The following NXPE2 variants were observed in gnomAD, a reference collection of about 807,000 sequenced individuals.
The protein encoded by NXPE2 is neurexophilin and PC-esterase domain family member 2, also known as NXPE family member 2.
In NXPE2, 34 loss-of-function variants were observed where a neutral mutation model predicts 34.4. That is an observed-to-expected ratio of 0.99 (90% CI 0.75 to 1.31). The LOEUF (loss-of-function observed/expected upper bound fraction) is 1.31. Among genes scored for constraint, NXPE2 ranks in the 40% most tolerant of loss-of-function variants. The pLI, the probability that NXPE2 is intolerant of heterozygous loss-of-function variation, is 0.00. For synonymous variants in NXPE2, 235 were observed against 231.3 expected, an observed-to-expected ratio of 1.02 and a Z score of -0.15; for missense variants, 649 against 672.5, an observed-to-expected ratio of 0.97 and a Z score of 0.39.
At chr11:114,494,532 G>A in the NXPE2 span, among the ~76,000 whole-genome samples, 2 of 152,052 alleles carry the variant, frequency 1.3e-5, no homozygotes, top group Non-Finnish European at 2.9e-5. Context: ...TTCAGCTTCA[G>A]AATTTCTGCT....
At chr11:114,484,333 C>T in the NXPE2 span, among the ~76,000 whole-genome samples, 1 of 152,236 alleles carries the variant, frequency 6.6e-6, no homozygotes, top group Admixed American at 6.5e-5. Flanking sequence ...ATTTTTATTG[C>T]ACTTTCCCTA....
At chr11:114,798,200 GCT>G in the NXPE2 span, among the ~76,000 whole-genome samples, 3 of 152,096 alleles carry the variant, frequency 2.0e-5, no homozygotes, top group South Asian at 6.2e-4. Flanking sequence ...TGTGTATTTA[GCT>G]CTGAGATTTT....
chr11:114,803,142 G>T, the NXPE2 span, among the ~76,000 whole-genome samples: 1 of 152,202 alleles, frequency 6.6e-6, no homozygotes, highest in Non-Finnish European at 1.5e-5. Context: ...TTTGTCAATT[G>T]TTCTGTACAC....
chr11:114,557,444 A>T, the NXPE2 span, among the ~76,000 whole-genome samples: 1 of 151,714 alleles, frequency 6.6e-6, no homozygotes. Context: ...CAGGCATTTC[A>T]GTTCTAGAAA....
chr11:114,643,340 A>G, the NXPE2 span, among the ~76,000 whole-genome samples: 4 of 152,062 alleles, frequency 2.6e-5, no homozygotes, highest in African/African-American at 9.6e-5. Context: ...CCATGCCTAC[A>G]TCCTGAATGG....
the NXPE2 span, among the ~76,000 whole-genome samples, chr11:114,733,092 TTTTG>T: frequency 2.4e-3 from 363 of 152,144 alleles, 1 homozygote; most frequent in African/African-American, 8.0e-3. Context: ...ATATTGGGTT[TTTTG>T]TTTGTTTGTT....
chr11:114,502,346 C>T, the NXPE2 span, among the ~76,000 whole-genome samples: 2 of 152,142 alleles, frequency 1.3e-5, no homozygotes, highest in South Asian at 2.1e-4. Context: ...TAGACTTTCT[C>T]ATTATATACT....
the NXPE2 span, among the ~76,000 whole-genome samples, chr11:114,774,729 C>G: frequency 6.6e-6 from 1 of 152,134 alleles, no homozygotes; most frequent in Non-Finnish European, 1.5e-5. Flanking sequence ...TTTTCCTTCC[C>G]CATCTCTTGC....
the NXPE2 span, among the ~76,000 whole-genome samples, chr11:114,588,991 C>A: frequency 6.6e-6 from 1 of 152,142 alleles, no homozygotes. Context: ...GGAGGAGACC[C>A]AGGAAAAAGA....
the NXPE2 span, chr11:114,513,437 T>C: frequency 2.1e-5 from 6 of 284,932 alleles, no homozygotes; most frequent in African/African-American, 8.8e-5. Context: ...TGAAGAAAGA[T>C]AGGCATCTCT....
At chr11:114,631,904 G>A in the NXPE2 span, among the ~76,000 whole-genome samples, 2,958 of 151,290 alleles carry the variant, frequency 0.02, 61 homozygotes, top group Middle Eastern at 0.079. Context: ...GTATTGCCTC[G>A]TGGGTCACTA....
At chr11:114,625,424 T>C in the NXPE2 span, among the ~76,000 whole-genome samples, 1 of 152,148 alleles carries the variant, frequency 6.6e-6, no homozygotes, top group Non-Finnish European at 1.5e-5. Flanking sequence ...CAACCACTTC[T>C]ACCACATGGA....
the NXPE2 span, among the ~76,000 whole-genome samples, chr11:114,786,359 C>CCA: frequency 1.6e-5 from 2 of 122,794 alleles, no homozygotes; most frequent in Admixed American, 8.5e-5. Flanking sequence ...CTTTCTACCC[C>CCA]CGCCCCCCGC....
chr11:114,464,378 C>T, the NXPE2 span, among the ~76,000 whole-genome samples: 2 of 152,124 alleles, frequency 1.3e-5, no homozygotes, highest in Admixed American at 6.5e-5. Context: ...ATATGAAAAT[C>T]ATTACTGACC....
chr11:114,812,993 G>A, the NXPE2 span, among the ~76,000 whole-genome samples: 23 of 151,962 alleles, frequency 1.5e-4, no homozygotes, highest in South Asian at 4.2e-3. Context: ...GAGAGAGGCC[G>A]GCAGCGAGGT....
chr11:114,562,915 C>T, the NXPE2 span, among the ~76,000 whole-genome samples: 1 of 152,098 alleles, frequency 6.6e-6, no homozygotes, highest in East Asian at 1.9e-4. Flanking sequence ...CATACATGGT[C>T]GTTGGTGTTC....
chr11:114,534,879 T>C, the NXPE2 span, among the ~76,000 whole-genome samples: 1 of 152,188 alleles, frequency 6.6e-6, no homozygotes, highest in African/African-American at 2.4e-5. Context: ...CCAGGAGAAC[T>C]TCCCCAATCT....
chr11:114,580,501 T>G, the NXPE2 span, among the ~76,000 whole-genome samples: 19 of 152,188 alleles, frequency 1.2e-4, no homozygotes, highest in Non-Finnish European at 2.5e-4. Flanking sequence ...GCTGTTTTTT[T>G]AATAAAAATT....
chr11:114,645,911 T>C, the NXPE2 span, among the ~76,000 whole-genome samples: 3 of 152,198 alleles, frequency 2.0e-5, no homozygotes, highest in Non-Finnish European at 4.4e-5. Context: ...ATCCTTCTGC[T>C]ATGAGAGTCA....
Sources: allele counts gnomAD v4.1 joint callset (sites outside exome capture counted in the v4.1 genomes callset), GRCh38; gene constraint gnomAD v4.1.1; transcripts MANE v1.5; gene names NCBI Gene and HGNC (gene_info 2026-07-23, HGNC 2026-07-21).